The following ABTB3 variants were observed in gnomAD, a reference collection of about 807,000 sequenced individuals.
ABTB3 encodes the protein ankyrin repeat- and BTB/POZ domain-containing protein 3.
the ABTB3 span, among the ~76,000 whole-genome samples, chr12:107,322,336 G>T: frequency 6.6e-6 from 1 of 152,104 alleles, no homozygotes; most frequent in Non-Finnish European, 1.5e-5. Flanking sequence ...GATATACTAT[G>T]ATTTCATTGT....
At chr12:107,488,398 G>A in the ABTB3 span, among the ~76,000 whole-genome samples, 2 of 152,058 alleles carry the variant, frequency 1.3e-5, no homozygotes, top group Non-Finnish European at 1.5e-5. Context: ...AAAAAAAAGT[G>A]TGCCCAGATT....
At chr12:107,354,900 A>G in the ABTB3 span, among the ~76,000 whole-genome samples, 1 of 152,230 alleles carries the variant, frequency 6.6e-6, no homozygotes, top group African/African-American at 2.4e-5. Flanking sequence ...TGTGATGAAT[A>G]TGATGGCTGT....
At chr12:107,358,327 T>A in the ABTB3 span, among the ~76,000 whole-genome samples, 155 of 152,246 alleles carry the variant, frequency 1.0e-3, 3 homozygotes, top group Non-Finnish European at 1.8e-3. Flanking sequence ...GTTAGGGAAT[T>A]AGCTCCACAG....
At chr12:107,451,529 A>G in the ABTB3 span, among the ~76,000 whole-genome samples, 1 of 152,156 alleles carries the variant, frequency 6.6e-6, no homozygotes, top group African/African-American at 2.4e-5. Flanking sequence ...AAAACAGACC[A>G]TGTCTCACTT....
the ABTB3 span, among the ~76,000 whole-genome samples, chr12:107,353,386 G>C: frequency 2.6e-5 from 4 of 152,282 alleles, no homozygotes; most frequent in African/African-American, 9.6e-5. Flanking sequence ...ATTATCAGCT[G>C]TGTAGGGAGA....
the ABTB3 span, among the ~76,000 whole-genome samples, chr12:107,389,269 A>G: frequency 3.6e-4 from 55 of 152,334 alleles, no homozygotes; most frequent in South Asian, 0.011. Flanking sequence ...GTAACCACCT[A>G]CTTCCTCTAG....
chr12:107,481,572 T>C, the ABTB3 span, among the ~76,000 whole-genome samples: 2 of 152,102 alleles, frequency 1.3e-5, no homozygotes, highest in African/African-American at 4.8e-5. Context: ...GAAGAAGGCA[T>C]GGAAGCCCAG....
the ABTB3 span, among the ~76,000 whole-genome samples, chr12:107,590,546 C>T: frequency 1.2e-4 from 18 of 152,302 alleles, no homozygotes; most frequent in African/African-American, 4.3e-4. Flanking sequence ...ACTGGGCTGG[C>T]AGCGAGGAAG....
At chr12:107,581,592 C>T in the ABTB3 span, among the ~76,000 whole-genome samples, 2 of 152,198 alleles carry the variant, frequency 1.3e-5, no homozygotes, top group African/African-American at 4.8e-5. Flanking sequence ...CTAGCTTCTC[C>T]CTCTCTTTCT....
chr12:107,486,483 A>G, the ABTB3 span: 1 of 152,148 alleles, frequency 6.6e-6, no homozygotes, highest in East Asian at 1.9e-4. Context: ...CACAAATACC[A>G]CAGACACACG....
chr12:107,522,841 A>C, the ABTB3 span, among the ~76,000 whole-genome samples: 2 of 151,866 alleles, frequency 1.3e-5, no homozygotes, highest in African/African-American at 4.8e-5. Context: ...GGGAGGGAAA[A>C]GAGGCAGAAA....
chr12:107,642,826 G>T, the ABTB3 span, among the ~76,000 whole-genome samples: 1 of 152,118 alleles, frequency 6.6e-6, no homozygotes, highest in African/African-American at 2.4e-5. Context: ...CTTCTGTTTG[G>T]GGGGAGTTCA....
the ABTB3 span, among the ~76,000 whole-genome samples, chr12:107,330,037 A>T: frequency 6.6e-6 from 1 of 152,180 alleles, no homozygotes; most frequent in East Asian, 1.9e-4. Context: ...GTGAGGCTGG[A>T]ATGAGGCTGA....
At chr12:107,333,678 G>A in the ABTB3 span, among the ~76,000 whole-genome samples, 3 of 152,094 alleles carry the variant, frequency 2.0e-5, no homozygotes, top group South Asian at 4.1e-4. Flanking sequence ...GCTATTTATC[G>A]AGAGCCTACT....
At chr12:107,431,177 T>C in the ABTB3 span, among the ~76,000 whole-genome samples, 1 of 152,216 alleles carries the variant, frequency 6.6e-6, no homozygotes, top group Non-Finnish European at 1.5e-5. Flanking sequence ...AAGGTCTCAT[T>C]CAATTTGATT....
chr12:107,456,402 G>T, the ABTB3 span, among the ~76,000 whole-genome samples: 2 of 152,212 alleles, frequency 1.3e-5, no homozygotes, highest in Non-Finnish European at 2.9e-5. Flanking sequence ...GGCAGCATTA[G>T]ATTCTCAGAG....
At chr12:107,544,237 C>T in the ABTB3 span, 4 of 1,328,570 alleles carry the variant, frequency 3.0e-6, no homozygotes, top group Non-Finnish European at 4.1e-6. Flanking sequence ...AGAAAGGACT[C>T]ACTTCCTAAA....
At chr12:107,560,358 A>G in the ABTB3 span, among the ~76,000 whole-genome samples, 1 of 152,314 alleles carries the variant, frequency 6.6e-6, no homozygotes, top group African/African-American at 2.4e-5. Context: ...GTTGGCCTGT[A>G]GGAGGAAGAA....
the ABTB3 span, among the ~76,000 whole-genome samples, chr12:107,607,911 T>G: frequency 5.3e-5 from 8 of 152,260 alleles, no homozygotes; most frequent in African/African-American, 1.7e-4. Context: ...CTGAGGAGTC[T>G]CAGCGCCATA....
Sources: allele counts gnomAD v4.1 joint callset (sites outside exome capture counted in the v4.1 genomes callset), GRCh38; gene constraint gnomAD v4.1.1; transcripts MANE v1.5; gene names NCBI Gene and HGNC (gene_info 2026-07-23, HGNC 2026-07-21).